Variants in RAD54B observed in about 807,000 individuals in gnomAD.
RAD54B encodes the protein RAD54 homolog B, also known as DNA repair and recombination protein RAD54B.
RAD54B carries 78 observed loss-of-function variants against 95.8 expected under a neutral mutation model. That is an observed-to-expected ratio of 0.81 (90% CI 0.68 to 0.98). The LOEUF (loss-of-function observed/expected upper bound fraction) is 0.98. RAD54B is among the 50% of genes least tolerant of loss of function. RAD54B has a pLI of 0.00. For missense variants in RAD54B, 957 were observed against 1,056.6 expected (o/e 0.91, Z 1.31); for synonymous variants, 328 against 354.9 (o/e 0.92, Z 0.85).
intron 2 of RAD54B, 29 bp downstream of exon 2, chr8:94,467,376 T>A (rs751539334): frequency 1.3e-6 from 2 of 1,561,886 alleles, no homozygotes; most frequent in South Asian, 1.2e-5. Context: ...CTCTATATTA[T>A]CTATATCATG....
At chr8:94,463,772 A>T (rs1051642296) in intron 2 of RAD54B, among the ~76,000 whole-genome samples, 9 of 151,822 alleles carry the variant, frequency 5.9e-5, no homozygotes, top group Non-Finnish European at 1.0e-4. Flanking sequence ...AAAAAAATTT[A>T]AAAATGATGG....
chr8:94,438,313 G>A (rs1812318690), intron 3 of RAD54B, among the ~76,000 whole-genome samples: 1 of 152,220 alleles, frequency 6.6e-6, no homozygotes, highest in Non-Finnish European at 1.5e-5. Context: ...ATGTTCTACG[G>A]AATGCTAGAT....
chr8:94,466,925 T>C (rs1447344539), intron 2 of RAD54B, among the ~76,000 whole-genome samples: 1 of 152,170 alleles, frequency 6.6e-6, no homozygotes. Context: ...TACATGTTAT[T>C]CCATTGATTG....
At chr8:94,402,311 T>C (rs1811285412) in intron 6 of RAD54B, among the ~76,000 whole-genome samples, 2 of 151,744 alleles carry the variant, frequency 1.3e-5, no homozygotes, top group Non-Finnish European at 1.5e-5. Flanking sequence ...TGGAGTGCAG[T>C]GGCGCTATCT....
chr8:94,473,675 C>A (rs1442900345), intron 1 of RAD54B, among the ~76,000 whole-genome samples: 1 of 152,154 alleles, frequency 6.6e-6, no homozygotes, highest in African/African-American at 2.4e-5. Flanking sequence ...TTGGGTTCGT[C>A]TGGGCTTTAA....
intron 8 of RAD54B, among the ~76,000 whole-genome samples, chr8:94,399,145 G>C (rs533896105): frequency 3.0e-4 from 45 of 152,128 alleles, no homozygotes; most frequent in Non-Finnish European, 5.1e-4. Flanking sequence ...TCAGACTCGG[G>C]AACCAAGCAC....
intron 4 of RAD54B, 81 bp downstream of exon 4, chr8:94,411,040 C>T: frequency 9.1e-7 from 1 of 1,097,750 alleles, no homozygotes; most frequent in Non-Finnish European, 1.3e-6. Context: ...CTTTATAAAA[C>T]CCAATTACAT....
At chr8:94,384,127 A>T (rs1381364353) in intron 11 of RAD54B, among the ~76,000 whole-genome samples, 1 of 152,154 alleles carries the variant, frequency 6.6e-6, no homozygotes, top group Non-Finnish European at 1.5e-5. Flanking sequence ...AACTTAGAAT[A>T]TAATAAAAAT....
chr8:94,378,490 C>A, intron 13 of RAD54B, 78 bp downstream of exon 13: 1 of 1,441,450 alleles, frequency 6.9e-7, no homozygotes. Context: ...ATATTCCTGA[C>A]ACTGAAGCAC....
intron 3 of RAD54B, among the ~76,000 whole-genome samples, chr8:94,422,255 T>C (rs1441042584): frequency 6.6e-6 from 1 of 152,072 alleles, no homozygotes; most frequent in Non-Finnish European, 1.5e-5. Context: ...TGACTCTAGG[T>C]ACATTTTGAC....
At chr8:94,417,391 T>A (rs138470697) in intron 3 of RAD54B, among the ~76,000 whole-genome samples, 3 of 151,704 alleles carry the variant, frequency 2.0e-5, no homozygotes, top group Admixed American at 2.0e-4. Flanking sequence ...GACTGAATCA[T>A]AGGGTATGTT....
At chr8:94,438,940 A>C (rs1248523088) in intron 3 of RAD54B, among the ~76,000 whole-genome samples, 7 of 152,154 alleles carry the variant, frequency 4.6e-5, no homozygotes, top group African/African-American at 1.7e-4. Context: ...AAAAATACAA[A>C]AATTAGCCAG....
chr8:94,400,540 A>G, intron 6 of RAD54B, 77 bp from the exon 7 acceptor site: 1 of 1,222,308 alleles, frequency 8.2e-7, no homozygotes, highest in South Asian at 1.6e-5. Flanking sequence ...AGAACCAGAA[A>G]CTGATATTTT....
At chr8:94,380,567 TAA>T (rs1160154429) in intron 11 of RAD54B, among the ~76,000 whole-genome samples, 161 bp from the exon 12 acceptor site, 10 of 152,242 alleles carry the variant, frequency 6.6e-5, no homozygotes, top group Non-Finnish European at 1.3e-4. Flanking sequence ...TATTCCATTT[TAA>T]AGTCAATATC....
chr8:94,380,240 A>G lies in RAD54B; in HGVS notation c.2152T>C (p.Leu718=). The change falls in exon 12 of 15, where the codon TTA becomes CTA. Residue 718 remains leucine (L), a synonymous_variant. Transcript: ENST00000336148. ...SQHSSFFIFL[L]SSKAGGVGLN... Reference sequence around the variant, plus strand: ...CCTACACCACCAGCTTTTGAACTTAACAAAAAAATAAAAAAAGAAGAGTGT... The same window carrying G: ...CCTACACCACCAGCTTTTGAACTTAGCAAAAAAATAAAAAAAGAAGAGTGT... The G allele has an allele frequency of 2.5e-6, 4 of 1,613,958 alleles. No homozygotes were observed. Among genetic ancestry groups the G allele is most frequent in the Non-Finnish European group, 3.4e-6 (4 of 1,179,896 alleles).
At chr8:94,397,924 A>C (rs1811185487) in intron 8 of RAD54B, among the ~76,000 whole-genome samples, 1 of 151,926 alleles carries the variant, frequency 6.6e-6, no homozygotes, top group Non-Finnish European at 1.5e-5. Flanking sequence ...CAGTGATCTC[A>C]AGATCAAAGG....
At chr8:94,468,568 G>A (rs991058569) in intron 1 of RAD54B, among the ~76,000 whole-genome samples, 2 of 151,952 alleles carry the variant, frequency 1.3e-5, no homozygotes, top group African/African-American at 4.8e-5. Context: ...GCTCATGCCT[G>A]TAATCCCAGC....
intron 14 of RAD54B, 95 bp downstream of exon 14, chr8:94,378,085 G>C: frequency 1.1e-6 from 1 of 944,000 alleles, no homozygotes; most frequent in Non-Finnish European, 1.5e-6. Context: ...TATGCAAATG[G>C]TAAATATTAT....
chr8:94,393,767 T>A lies in RAD54B; in HGVS notation c.1494A>T (p.Leu498Phe). The A allele has an allele frequency of 6.3e-7, 1 of 1,585,064 alleles. No individual in the cohort carries two copies. Residue 498 changes from leucine (L) to phenylalanine (F), a missense_variant, in exon 9 of 15, where the codon TTA becomes TTT. Coordinates refer to ENST00000336148, the MANE Select transcript of RAD54B (RefSeq NM_012415.3). Reference sequence around the variant, plus strand: ...CCTCAGAAGCAGAAGGTTCTCTCGATAAAATGATGGGTTCTTCATATATTT... The same window carrying A: ...CCTCAGAAGCAGAAGGTTCTCTCGAAAAAATGATGGGTTCTTCATATATTT... Reference protein sequence around the residue: ...YRKIYEEPIILSREPSASEEE... With the variant: ...YRKIYEEPIIFSREPSASEEE...
Sources: allele counts gnomAD v4.1 joint callset (sites outside exome capture counted in the v4.1 genomes callset), GRCh38; gene constraint gnomAD v4.1.1; transcripts MANE v1.5; gene names NCBI Gene and HGNC (gene_info 2026-07-23, HGNC 2026-07-21).